The following ALDH1L2 variants were observed in gnomAD, a reference collection of about 807,000 sequenced individuals.
ALDH1L2 encodes the protein mitochondrial 10-formyltetrahydrofolate dehydrogenase.
Under a neutral mutation model 111.0 loss-of-function variants are expected in ALDH1L2, and 91 were observed. The ratio of observed to expected loss-of-function variants is 0.82; its 90% CI spans 0.69 to 0.98. ALDH1L2 has a LOEUF of 0.98. Among genes scored for constraint, ALDH1L2 ranks in the 50% least tolerant of loss-of-function variants. The probability of loss-of-function intolerance (pLI) is 0.00; values close to 1 mark genes in which losing one functional copy is unlikely to be tolerated. For missense variants in ALDH1L2, 995 were observed against 1,126.8 expected (o/e 0.88, Z 1.67); for synonymous variants, 374 against 392.6 (o/e 0.95, Z 0.56).
At chr12:105,052,571 G>A (rs1565960832) in intron 11 of ALDH1L2, among the ~76,000 whole-genome samples, 1 of 152,140 alleles carries the variant, frequency 6.6e-6, no homozygotes, top group Non-Finnish European at 1.5e-5. Context: ...CCTCTGGTGT[G>A]TATAGGTAAA....
In ALDH1L2 at chr12:105,030,307, G is replaced by T; in HGVS notation, c.2516+17C>A. 6.3e-7 allele frequency: 1 copy of T among 1,598,760 alleles called. No homozygotes were observed. Among genetic ancestry groups the T allele is most frequent in the Non-Finnish European group, 8.5e-7 (1 of 1,170,496 alleles). On this transcript the variant is annotated intron_variant, in intron 21 of 22. Coordinates refer to ENST00000258494, the MANE Select transcript of ALDH1L2 (RefSeq NM_001034173.4). ...ATCTAGTCAAAACCTAAGTTACATT[G>T]TGTCTGAAGAACCTACCCATTTTGG...
chr12:105,024,129 G>A lies in ALDH1L2; in HGVS notation c.*295C>T. On this transcript the variant is annotated 3_prime_UTR_variant, in exon 23 of 23. Transcript: ENST00000258494. ...AACTGCATGGTACTGACATCTTCAAGATGGGAACCATGAATAGATTTGTCT... is the reference window on the plus strand; with the variant it reads ...AACTGCATGGTACTGACATCTTCAAAATGGGAACCATGAATAGATTTGTCT... The A allele has an allele frequency of 2.0e-6, 1 of 494,730 alleles. No individual in the cohort carries two copies. The highest frequency in any genetic ancestry group is 3.6e-6 in the Non-Finnish European group (1 of 274,858). The allele number at this position is 494,730 out of a possible 1,614,324, so 30.6% of individuals were successfully genotyped here.
At chr12:105,035,602 G>A (rs922921504) in intron 18 of ALDH1L2, among the ~76,000 whole-genome samples, 8 of 152,036 alleles carry the variant, frequency 5.3e-5, no homozygotes, top group Non-Finnish European at 1.0e-4. Context: ...ATAGGCGTAA[G>A]CCACCACGTG....
At chr12:105,071,312 T>C (rs1877671404) in intron 2 of ALDH1L2, among the ~76,000 whole-genome samples, 1 of 152,204 alleles carries the variant, frequency 6.6e-6, no homozygotes, top group South Asian at 2.1e-4. Flanking sequence ...GCTTTTCTAC[T>C]TCCTTCTCCC....
chr12:105,050,167 A>T (rs1876165979), intron 12 of ALDH1L2, 109 bp from the exon 13 acceptor site: 7 of 1,087,978 alleles, frequency 6.4e-6, no homozygotes, highest in Non-Finnish European at 8.8e-6. Flanking sequence ...CATATGGATC[A>T]GATCTCTGCC....
At chr12:105,058,347 ATCT>A (rs770989643) in intron 9 of ALDH1L2, 127 bp from the exon 10 acceptor site, 6 of 887,936 alleles carry the variant, frequency 6.8e-6, no homozygotes, top group Admixed American at 3.5e-5. Context: ...ATCCTATGAG[ATCT>A]TCTGTGATAC....
intron 3 of ALDH1L2, among the ~76,000 whole-genome samples, chr12:105,069,337 G>T (rs1017883548): frequency 6.6e-6 from 1 of 152,146 alleles, no homozygotes; most frequent in African/African-American, 2.4e-5. Context: ...GGACAGAGCT[G>T]ATTATTAATT....
At chr12:105,031,436 A>C (rs191694282) in intron 20 of ALDH1L2, among the ~76,000 whole-genome samples, 1 of 152,252 alleles carries the variant, frequency 6.6e-6, no homozygotes, top group East Asian at 1.9e-4. Context: ...GTTTTATTCC[A>C]TCAGGAGACA....
intron 8 of ALDH1L2, 122 bp from the exon 9 acceptor site, chr12:105,061,194 G>C: frequency 1.2e-6 from 1 of 836,444 alleles, no homozygotes; most frequent in Non-Finnish European, 1.9e-6. Flanking sequence ...ACATACAGCT[G>C]GATCACATTT....
In ALDH1L2 at chr12:105,034,339, G is replaced by A. The variant is rs529137516; in HGVS notation, c.2205C>T (p.Phe735=). 1.9e-5 allele frequency: 31 copies of A among 1,613,760 alleles called. No homozygotes were observed. Among genetic ancestry groups the A allele is most frequent in the South Asian group, 1.8e-4 (16 of 91,022 alleles). The part of the protein sequence containing the change: ...GENCIAAGRL[F]VEESIHDEFV... Reference sequence around the variant, plus strand: ...ATTCGTCGTGGATGGATTCTTCCACGAACAACCGCCCAGCAGCAATACAGT... The same window carrying A: ...ATTCGTCGTGGATGGATTCTTCCACAAACAACCGCCCAGCAGCAATACAGT... The change falls in exon 19 of 23, where the codon TTC becomes TTT. Residue 735 remains phenylalanine, a synonymous_variant. Coordinates refer to ENST00000258494, the MANE Select transcript of ALDH1L2 (RefSeq NM_001034173.4).
chr12:105,034,906 C>A (rs1370301094), intron 18 of ALDH1L2, among the ~76,000 whole-genome samples: 1 of 152,096 alleles, frequency 6.6e-6, no homozygotes, highest in East Asian at 1.9e-4. Context: ...ATCAATTGAA[C>A]CCAGGAGGCG....
intron 12 of ALDH1L2, among the ~76,000 whole-genome samples, chr12:105,051,086 T>C (rs572942610): frequency 6.6e-6 from 1 of 152,362 alleles, no homozygotes; most frequent in Non-Finnish European, 1.5e-5. Flanking sequence ...CCAGTCCTTA[T>C]TATTTTTCTT....
intron 6 of ALDH1L2, among the ~76,000 whole-genome samples, chr12:105,064,114 CTTTTTTTTTTTTTTTTTTTTT>C (rs71069786): frequency 5.1e-4 from 18 of 35,080 alleles, no homozygotes; most frequent in South Asian, 2.3e-3. Context: ...CCACACCGAG[CTTTTTTTTTTTTTTTTTTTTT>C]TTTTTTTTTT....
chr12:105,057,816 T>C (rs1391794258), intron 10 of ALDH1L2, among the ~76,000 whole-genome samples: 2 of 152,198 alleles, frequency 1.3e-5, no homozygotes, highest in African/African-American at 4.8e-5. Context: ...TGCCAATGGG[T>C]ACAGGGCTTC....
At chr12:105,067,024 C>T (rs904236058) in intron 4 of ALDH1L2, among the ~76,000 whole-genome samples, 11 of 151,724 alleles carry the variant, frequency 7.3e-5, no homozygotes, top group Non-Finnish European at 1.5e-4. Context: ...GTCAGGAGAT[C>T]GAGGCCACGG....
At chr12:105,033,274 T>C (rs901816599) in intron 19 of ALDH1L2, among the ~76,000 whole-genome samples, 2 of 152,252 alleles carry the variant, frequency 1.3e-5, no homozygotes, top group African/African-American at 4.8e-5. Context: ...TTGTAAAACA[T>C]GCTTGTTGAT....
In ALDH1L2 at chr12:105,021,876, A is replaced by G. The variant is rs1356954076; in HGVS notation, c.*2548T>C. On this transcript the variant is annotated 3_prime_UTR_variant, in exon 23 of 23. Transcript: ENST00000258494. ...AAACAAGTGGGAACGCTGAGGAGAA[A>G]CACTTAGCCCAGCTAGGGTAGGAAG... The G allele has an allele frequency of 3.9e-5, 6 of 152,178 alleles. No individual in the cohort carries two copies. Among genetic ancestry groups the G allele is most frequent in the Non-Finnish European group, 7.3e-5 (5 of 68,052 alleles). 9.4% of individuals were successfully genotyped at this position (152,178 alleles called of 1,614,324 possible).
intron 10 of ALDH1L2, among the ~76,000 whole-genome samples, chr12:105,054,100 T>C (rs940228818): frequency 1.3e-5 from 2 of 151,858 alleles, no homozygotes; most frequent in Non-Finnish European, 2.9e-5. Flanking sequence ...TAATGGAGGG[T>C]AATAATAGGA....
intron 10 of ALDH1L2, among the ~76,000 whole-genome samples, chr12:105,055,449 G>C (rs1195711622): frequency 6.6e-6 from 1 of 152,150 alleles, no homozygotes; most frequent in South Asian, 2.1e-4. Flanking sequence ...AAGGGAGATG[G>C]GGAGAAGGTC....
Sources: gnomAD v4.1 joint callset for allele counts (sites outside exome capture counted in the v4.1 genomes callset) on GRCh38, gnomAD v4.1.1 for gene constraint, MANE v1.5 for transcripts, NCBI Gene and HGNC (gene_info 2026-07-23, HGNC 2026-07-21) for gene names.